IL18R1: variants seen among roughly 807,000 people sequenced by gnomAD.
IL18R1 encodes the protein interleukin 18 receptor 1.
In IL18R1, 40 loss-of-function variants were observed where a neutral mutation model predicts 48.5. The observed-to-expected ratio is 0.82, with a 90% CI of 0.64 to 1.07. The LOEUF (loss-of-function observed/expected upper bound fraction) is 1.07. IL18R1 is among the 50% of genes least tolerant of loss of function. The pLI is 0.00. For missense variants in IL18R1, 596 were observed against 633.7 expected, an observed-to-expected ratio of 0.94 and a Z score of 0.64; for synonymous variants, 232 against 225.9, an observed-to-expected ratio of 1.03 and a Z score of -0.24.
At position 102,385,007 on chromosome 2, in the gene IL18R1, G is replaced by A; in HGVS notation, c.809+9G>A. The A allele has an allele frequency of 7.0e-7, 1 of 1,435,572 alleles. No homozygotes were observed. Among genetic ancestry groups the A allele is most frequent in the East Asian group, 2.3e-5 (1 of 43,692 alleles). 88.9% of individuals were successfully genotyped at this position (1,435,572 alleles called of 1,614,324 possible). Reference sequence around the variant, plus strand: ...AAAGAAATGAGAATTATGTATGTATGTGTAATATATATGTCATGATATATA... The same window carrying A: ...AAAGAAATGAGAATTATGTATGTATATGTAATATATATGTCATGATATATA... On this transcript the variant is annotated intron_variant, in intron 7 of 10. Coordinates refer to ENST00000233957, the MANE Select transcript of IL18R1 (RefSeq NM_003855.5).
chr2:102,381,469 C>A, intron 5 of IL18R1, 151 bp from the exon 6 acceptor site: 1 of 615,518 alleles, frequency 1.6e-6, no homozygotes, highest in South Asian at 1.9e-5. Flanking sequence ...ACATCTGTGA[C>A]CTTTAGTTAA....
chr2:102,381,781 A>C (rs1679936173), intron 6 of IL18R1, 99 bp downstream of exon 6: 1 of 785,540 alleles, frequency 1.3e-6, no homozygotes, highest in African/African-American at 1.7e-5. Flanking sequence ...CACTGGATAC[A>C]CATTTCATAT....
chr2:102,372,554 A>G (rs1008497092), intron 4 of IL18R1, among the ~76,000 whole-genome samples: 2 of 152,184 alleles, frequency 1.3e-5, no homozygotes, highest in African/African-American at 4.8e-5. Flanking sequence ...TAACTTTAAA[A>G]CTGAAAAATG....
chr2:102,377,809 A>T (rs1573209174), intron 5 of IL18R1, among the ~76,000 whole-genome samples: 1 of 152,118 alleles, frequency 6.6e-6, no homozygotes, highest in Non-Finnish European at 1.5e-5. Context: ...ATCCAGGGTG[A>T]TCCCCCTATC....
intron 5 of IL18R1, among the ~76,000 whole-genome samples, chr2:102,379,219 G>A (rs1679774539): frequency 6.6e-6 from 1 of 152,144 alleles, no homozygotes; most frequent in South Asian, 2.1e-4. Context: ...CGAGGCGGAT[G>A]GATCACCTGA....
chr2:102,394,721 A>G, intron 10 of IL18R1, 94 bp downstream of exon 10: 1 of 1,088,678 alleles, frequency 9.2e-7, no homozygotes, highest in Non-Finnish European at 1.3e-6. Context: ...ATTTTCCTTA[A>G]AAACAAATGA....
intron 5 of IL18R1, among the ~76,000 whole-genome samples, chr2:102,377,990 C>T (rs1559625952): frequency 6.6e-6 from 1 of 152,222 alleles, no homozygotes; most frequent in Non-Finnish European, 1.5e-5. Context: ...AACTTAAATT[C>T]TGTGTATAAT....
chr2:102,397,114 T>A lies in IL18R1; in HGVS notation c.*228T>A. ...ACCTGGAATTCAAAAGAAATGGAGC[T>A]ATTCTTTTTCTCCCTCTTTCATAAC... On this transcript the variant is annotated 3_prime_UTR_variant, in exon 11 of 11. Coordinates refer to ENST00000233957, the MANE Select transcript of IL18R1 (RefSeq NM_003855.5). The A allele has an allele frequency of 2.2e-6, 1 of 462,542 alleles. No homozygotes were observed. Among genetic ancestry groups the A allele is most frequent in the Non-Finnish European group, 3.8e-6 (1 of 264,062 alleles). The allele number at this position is 462,542 out of a possible 1,614,324, so 28.7% of individuals were successfully genotyped here.
chr2:102,359,712 G>C (rs10176664), intron 1 of IL18R1, among the ~76,000 whole-genome samples: 6 of 151,984 alleles, frequency 3.9e-5, no homozygotes, highest in Admixed American at 6.6e-5. Flanking sequence ...TATTGAGTGA[G>C]AGAATATGAA....
At position 102,367,878 on chromosome 2, in the gene IL18R1, C is replaced by G. The variant is rs762528444; in HGVS notation, c.112C>G (p.Leu38Val). 8 of 1,613,872 alleles carry G rather than the reference C, an allele frequency of 5.0e-6. No homozygotes were observed. The East Asian group carries it at 1.6e-4, about 31-fold the overall frequency. Residue 38 changes from leucine to valine, a missense_variant, in exon 3 of 11, where the codon CTG becomes GTG. Leu to Val is a conservative substitution (Grantham distance 32, BLOSUM62 1). Coordinates refer to ENST00000233957, the MANE Select transcript of IL18R1 (RefSeq NM_003855.5). Reference sequence around the variant, plus strand: ...TGTGGTTGAAGGGGAACCTTTCTATCTGAAACATTGCTCGTGTTCACTTGC... The same window carrying G: ...TGTGGTTGAAGGGGAACCTTTCTATGTGAAACATTGCTCGTGTTCACTTGC... ...ITVVEGEPFY[L>V]KHCSCSLAHE... is the part of the protein sequence containing the mutation.
At chr2:102,363,198 GTT>G (rs58513522) in intron 2 of IL18R1, among the ~76,000 whole-genome samples, 1 of 148,148 alleles carries the variant, frequency 6.8e-6, no homozygotes, top group South Asian at 2.1e-4. Flanking sequence ...ATTGCCTAGA[GTT>G]TTTTTTTTTT....
intron 4 of IL18R1, among the ~76,000 whole-genome samples, chr2:102,373,667 C>A (rs539379718): frequency 6.6e-6 from 1 of 152,066 alleles, no homozygotes; most frequent in Non-Finnish European, 1.5e-5. Flanking sequence ...ACATACATAG[C>A]GTGTGTGAGT....
rs1430548050 is a variant in IL18R1, at chr2:102,356,205, TTC to T, written c.-222_-221del. The T allele has an allele frequency of 6.5e-5, 17 of 260,974 alleles. No individual in the cohort carries two copies. Among genetic ancestry groups the T allele is most frequent in the African/African-American group, 2.2e-4 (8 of 37,012 alleles). The allele number at this position is 260,974 out of a possible 1,614,324, so 16.2% of individuals were successfully genotyped here. ...CTGTTCCTACTTTTTTTCCTTCTTCTTCTTTTTTTTTTTTTTTGTAGCCCTCT... is the reference window on the plus strand; with the variant it reads ...CTGTTCCTACTTTTTTTCCTTCTTCTTTTTTTTTTTTTTTTGTAGCCCTCT... On this transcript the variant is annotated 5_prime_UTR_variant, in exon 1 of 11. Coordinates refer to ENST00000233957, the MANE Select transcript of IL18R1 (RefSeq NM_003855.5).
intron 3 of IL18R1, among the ~76,000 whole-genome samples, chr2:102,369,826 G>C (rs2105055669): frequency 6.6e-6 from 1 of 152,312 alleles, no homozygotes; most frequent in East Asian, 1.9e-4. Context: ...ACTGAGGACT[G>C]ATAATTTAAT....
rs138311758 is a variant in IL18R1, at chr2:102,394,544, C to T, written c.1187C>T (p.Ala396Val). ...GAAAATGGAGAGGAGCACACCTTTG[C>T]TGTGGAGATTTTGCCCAGGGTGTTG... ...RPENGEEHTF[A>V]VEILPRVLEK... The change falls in exon 10 of 11, where the codon GCT becomes GTT. Residue 396 changes from alanine (A) to valine (V), a missense_variant. This residue lies in a region of IL18R1 where 179 missense variants were observed against 206.1 expected (regional missense o/e 0.87). Transcript: ENST00000233957. 1.2e-6 allele frequency: 2 copies of T among 1,613,002 alleles called. No homozygotes were observed. Among genetic ancestry groups the T allele is most frequent in the African/African-American group, 2.7e-5 (2 of 74,854 alleles).
intron 10 of IL18R1, 95 bp from the exon 11 acceptor site, chr2:102,396,436 G>T: frequency 1.5e-6 from 1 of 672,280 alleles, no homozygotes; most frequent in Non-Finnish European, 2.6e-6. Context: ...GTGAGGTTAG[G>T]AGTTAATATA....
intron 3 of IL18R1, among the ~76,000 whole-genome samples, chr2:102,371,325 T>C (rs1270408700): frequency 6.6e-6 from 1 of 152,168 alleles, no homozygotes; most frequent in Non-Finnish European, 1.5e-5. Context: ...GCACCTGGCC[T>C]AGTGATAGTC....
chr2:102,392,349 T>C (rs1680601293), intron 9 of IL18R1, among the ~76,000 whole-genome samples: 1 of 152,238 alleles, frequency 6.6e-6, no homozygotes, highest in East Asian at 1.9e-4. Context: ...CCAGTGTTTG[T>C]CTTCAAATAA....
intron 5 of IL18R1, 34 bp downstream of exon 5, chr2:102,376,097 C>CATTTTA: frequency 6.7e-7 from 1 of 1,500,702 alleles, no homozygotes; most frequent in Non-Finnish European, 8.9e-7. Flanking sequence ...AAGAAACAGA[C>CATTTTA]GTATTTTAGT....
Sources: allele counts gnomAD v4.1 joint callset (sites outside exome capture counted in the v4.1 genomes callset), GRCh38; gene constraint gnomAD v4.1.1; regional missense constraint gnomAD v4.1.1; transcripts MANE v1.5; gene names NCBI Gene and HGNC (gene_info 2026-07-23, HGNC 2026-07-21).